Variants in GCLM observed in about 807,000 individuals in gnomAD.
The protein encoded by GCLM is glutamate-cysteine ligase modifier subunit.
In GCLM, 15 loss-of-function variants were observed where a neutral mutation model predicts 36.0. The observed-to-expected ratio is 0.42, with a 90% CI of 0.28 to 0.64. The LOEUF (loss-of-function observed/expected upper bound fraction) is 0.64, where lower values mean the gene tolerates loss of function less well. GCLM is among the 30% of genes least tolerant of loss of function. GCLM has a pLI of 0.25. For missense variants in GCLM, 242 were observed against 325.5 expected (o/e 0.74, Z 1.97); for synonymous variants, 129 against 122.8 (o/e 1.05, Z -0.34).
At position 93,894,707 on chromosome 1, in the gene GCLM, C is replaced by G; in HGVS notation, c.562G>C (p.Val188Leu). ...ATCACACAGCAGGAGGCAAGATTAA[C>G]TTGGTTACTATTTGGTTTTACCTAG... ...WAQVKPNSNQ[V>L]NLASCCVMPP... The change falls in exon 6 of 7, where the codon GTT (valine) becomes CTT (leucine). Residue 188 changes from valine to leucine, a missense_variant. By Grantham distance (32) the Val-to-Leu change is conservative. Coordinates refer to ENST00000370238, the MANE Select transcript of GCLM (RefSeq NM_002061.4). 1 of 1,605,480 alleles carries G rather than the reference C, an allele frequency of 6.2e-7. No homozygotes were observed. The highest frequency in any genetic ancestry group is 8.5e-7 in the Non-Finnish European group (1 of 1,172,368).
rs963518675 is a variant in GCLM, at chr1:93,888,972, G to T, written c.*18C>A. On this transcript the variant is annotated 3_prime_UTR_variant, in exon 7 of 7. Transcript: ENST00000370238. ...TCATATTGAAGGAAATTACAGGTAAGTTATGCTCCTAAGTCAGTTAAGAAC... is the reference window on the plus strand; with the variant it reads ...TCATATTGAAGGAAATTACAGGTAATTTATGCTCCTAAGTCAGTTAAGAAC... 5.9e-6 allele frequency: 9 copies of T among 1,517,460 alleles called. No individual in the cohort carries two copies. Among genetic ancestry groups the T allele is most frequent in the Non-Finnish European group, 7.1e-6 (8 of 1,129,132 alleles). The allele number at this position is 1,517,460 out of a possible 1,614,324, so 94.0% of individuals were successfully genotyped here.
rs765454174 is a variant in GCLM, at chr1:93,901,664, A to G, written c.198T>C (p.Phe66=). Residue 66 remains phenylalanine, a synonymous_variant, in exon 3 of 7, where the codon TTT becomes TTC. Coordinates refer to ENST00000370238, the MANE Select transcript of GCLM (RefSeq NM_002061.4). ...SQINPDLVRE[F]PDVLECTVSH... is the part of the protein sequence containing the mutation. ...ATACAGTGCATTCCAAGACATCTGG[A>G]AACTCCTATAATAAACACAATATTT... The G allele has an allele frequency of 3.0e-5, 44 of 1,454,494 alleles. No homozygotes were observed. Among genetic ancestry groups the G allele is most frequent in the Non-Finnish European group, 4.8e-6 (5 of 1,042,858 alleles). The allele number at this position is 1,454,494 out of a possible 1,614,324, so 90.1% of individuals were successfully genotyped here.
intron 3 of GCLM, among the ~76,000 whole-genome samples, chr1:93,899,158 C>A (rs926472710): frequency 6.6e-6 from 1 of 151,802 alleles, no homozygotes; most frequent in Non-Finnish European, 1.5e-5. Flanking sequence ...TTCATTGCAA[C>A]CTCCTCCTGG....
rs113611119 is a variant in GCLM at position 93,908,738 on chromosome 1, G to A, written c.126+300C>T. The A allele has an allele frequency of 2.7e-3, 596 of 219,468 alleles. 7 individuals carry two copies. The highest frequency in any genetic ancestry group is 9.4e-3 in the Admixed American group (161 of 17,076). 13.6% of individuals were successfully genotyped at this position (219,468 alleles called of 1,614,324 possible). A position where few individuals can be genotyped will look rare whatever the true frequency, so the allele number is the denominator to read the frequency against. On this transcript the variant is annotated intron_variant, in intron 1 of 6. Transcript: ENST00000370238. ...GACGTCCTGGCCCTCTGTGACCTCC[G>A]TGCCAGGAAGAGGGACCCAGGATGT...
At chr1:93,891,770 CA>C (rs1163448562) in intron 6 of GCLM, among the ~76,000 whole-genome samples, 1 of 152,178 alleles carries the variant, frequency 6.6e-6, no homozygotes, top group East Asian at 1.9e-4. Context: ...CTAAAGGACC[CA>C]CCTACTCCCA....
chr1:93,898,537 A>C (rs1410868715), intron 3 of GCLM, among the ~76,000 whole-genome samples: 1 of 152,060 alleles, frequency 6.6e-6, no homozygotes, highest in Non-Finnish European at 1.5e-5. Context: ...ACAGGGTCTC[A>C]TTATACTGCC....
intron 3 of GCLM, among the ~76,000 whole-genome samples, chr1:93,901,230 C>T (rs1489241014): frequency 1.3e-5 from 2 of 152,074 alleles, no homozygotes; most frequent in Non-Finnish European, 2.9e-5. Context: ...AGTATCTTAC[C>T]AGGAAGGGGG....
chr1:93,892,364 TAC>T (rs1656568640), intron 6 of GCLM, among the ~76,000 whole-genome samples: 2 of 152,192 alleles, frequency 1.3e-5, no homozygotes, highest in Non-Finnish European at 2.9e-5. Flanking sequence ...AGTTAAATTT[TAC>T]AGAGTTAAAT....
intron 3 of GCLM, among the ~76,000 whole-genome samples, chr1:93,900,519 G>A (rs1656909649): frequency 6.6e-6 from 1 of 152,152 alleles, no homozygotes. Flanking sequence ...GTGGATTCCT[G>A]GTTCAACCAC....
intron 5 of GCLM, among the ~76,000 whole-genome samples, chr1:93,895,012 C>CTACTACACT (rs1553180170): frequency 2.5e-4 from 32 of 128,064 alleles, no homozygotes; most frequent in African/African-American, 7.9e-4. Context: ...CAGTACTACA[C>CTACTACACT]TTTTTTTTTT....
At position 93,894,743 on chromosome 1, in the gene GCLM, A is replaced by T; in HGVS notation, c.541-15T>A. ...TTTGGTTTTACCTAGAAGTGAAAAT[A>T]AAATCATGATATCACTACTAAATTA... On this transcript the variant is annotated splice_polypyrimidine_tract_variant and intron_variant, in intron 5 of 6. Coordinates refer to ENST00000370238, the MANE Select transcript of GCLM (RefSeq NM_002061.4). 1 of 1,211,304 alleles carries T rather than the reference A, an allele frequency of 8.3e-7. No individual in the cohort carries two copies. The highest frequency in any genetic ancestry group is 1.2e-6 in the Non-Finnish European group (1 of 813,282). The allele number at this position is 1,211,304 out of a possible 1,614,324, so 75.0% of individuals were successfully genotyped here.
At position 93,909,186 on chromosome 1, in the gene GCLM, C is replaced by A. The variant is rs743119; in HGVS notation, c.-23G>T. 231,449 of 1,229,094 alleles carry A rather than the reference C, an allele frequency of 0.19. 25,370 individuals are homozygous for A. Among genetic ancestry groups the A allele is most frequent in the African/African-American group, 0.48 (30,240 of 63,302 alleles). The allele number at this position is 1,229,094 out of a possible 1,614,324, so 76.1% of individuals were successfully genotyped here. On this transcript the variant is annotated 5_prime_UTR_variant, in exon 1 of 7. Coordinates refer to ENST00000370238, the MANE Select transcript of GCLM (RefSeq NM_002061.4). The stretch of plus-strand genomic sequence containing the variant: ...CATGGCAGCGGCCGCCCAGGGGCCG[C>A]GCAGCGAAGGGGCTGCGGGCGGGCG...
intron 1 of GCLM, among the ~76,000 whole-genome samples, chr1:93,907,619 T>C (rs1316858266): frequency 6.6e-6 from 1 of 152,154 alleles, no homozygotes; most frequent in Non-Finnish European, 1.5e-5. Flanking sequence ...CAAAATTCTG[T>C]ATTGAACTAC....
Position 93,904,555 on chromosome 1 carries a change from A to G in GCLM, c.160T>C (p.Trp54Arg). ...HDCIQKTLNEWSSQINPDLVR... is the reference protein window; with the variant it reads ...HDCIQKTLNERSSQINPDLVR... ...AAATCTGGGTTGATTTGGGAACTCC[A>G]TTCATTCAAGGTTTTTTGGATACAA... Residue 54 changes from tryptophan (W) to arginine (R), a missense_variant, in exon 2 of 7, where the codon TGG becomes CGG. Coordinates refer to ENST00000370238, the MANE Select transcript of GCLM (RefSeq NM_002061.4). 4 of 1,612,266 alleles carry G rather than the reference A, an allele frequency of 2.5e-6. No individual in the cohort carries two copies. The highest frequency in any genetic ancestry group is 3.4e-6 in the Non-Finnish European group (4 of 1,178,426).
In GCLM at chr1:93,886,827, C is replaced by T. The variant is rs758051113; in HGVS notation, c.*2163G>A. ...GTATAGATTTAAAATAAAATGAACGCTTGTTTAAGGACTTATATGAAAAAA... is the reference window on the plus strand; with the variant it reads ...GTATAGATTTAAAATAAAATGAACGTTTGTTTAAGGACTTATATGAAAAAA... On this transcript the variant is annotated 3_prime_UTR_variant, in exon 7 of 7. Coordinates refer to ENST00000370238, the MANE Select transcript of GCLM (RefSeq NM_002061.4). 4 of 151,754 alleles carry T rather than the reference C, an allele frequency of 2.6e-5. No individual in the cohort carries two copies. Among genetic ancestry groups the T allele is most frequent in the Non-Finnish European group, 5.9e-5 (4 of 67,980 alleles). 9.4% of individuals were successfully genotyped at this position (151,754 alleles called of 1,614,324 possible).
intron 6 of GCLM, among the ~76,000 whole-genome samples, chr1:93,889,629 G>A (rs2100904212): frequency 6.7e-6 from 1 of 150,318 alleles, no homozygotes; most frequent in Non-Finnish European, 1.5e-5. Flanking sequence ...TATATCTCTA[G>A]ATCTTATATC....
At chr1:93,893,198 A>T (rs1440818320) in intron 6 of GCLM, among the ~76,000 whole-genome samples, 1 of 152,194 alleles carries the variant, frequency 6.6e-6, no homozygotes, top group African/African-American at 2.4e-5. Context: ...CCAAGTTCAA[A>T]CTTTGCCCAA....
At chr1:93,906,391 C>T (rs1426588113) in intron 1 of GCLM, among the ~76,000 whole-genome samples, 3 of 152,124 alleles carry the variant, frequency 2.0e-5, no homozygotes, top group South Asian at 2.1e-4. Context: ...AAAATTCTAT[C>T]GGAAGTGCTT....
Position 93,901,682 on chromosome 1 carries a change from C to T in GCLM, c.193-13G>A. 2 of 1,298,782 alleles carry T rather than the reference C, an allele frequency of 1.5e-6. No individual in the cohort carries two copies. The highest frequency in any genetic ancestry group is 1.3e-5 in the South Asian group (1 of 78,300). The allele number at this position is 1,298,782 out of a possible 1,614,324, so 80.5% of individuals were successfully genotyped here. On this transcript the variant is annotated splice_polypyrimidine_tract_variant and intron_variant, in intron 2 of 6. Coordinates refer to ENST00000370238, the MANE Select transcript of GCLM (RefSeq NM_002061.4). ...CATCTGGAAACTCCTATAATAAACA[C>T]AATATTTAAAACAAATATAAAATTT...
Sources: gnomAD v4.1 joint callset for allele counts (sites outside exome capture counted in the v4.1 genomes callset) on GRCh38, gnomAD v4.1.1 for gene constraint, MANE v1.5 for transcripts, NCBI Gene and HGNC (gene_info 2026-07-23, HGNC 2026-07-21) for gene names.